Variants in ARHGEF7 observed in about 807,000 individuals in gnomAD.
ARHGEF7 encodes the protein Rho guanine nucleotide exchange factor 7, also known as PAK-interacting exchange factor beta.
Under a neutral mutation model 109.8 loss-of-function variants are expected in ARHGEF7, and 33 were observed. The observed-to-expected ratio is 0.30, with a 90% CI of 0.23 to 0.40. The LOEUF (loss-of-function observed/expected upper bound fraction) is 0.40, where lower values mean the gene tolerates loss of function less well. Ranked by LOEUF, ARHGEF7 falls within the 10% of genes least tolerant of loss-of-function variation. ARHGEF7 has a pLI of 1.00. For missense variants in ARHGEF7, 938 were observed against 1,098.5 expected (o/e 0.85, Z 2.07); for synonymous variants, 458 against 424.6 (o/e 1.08, Z -0.97).
chr13:111,138,946 T>C (rs1367936179), intron 1 of ARHGEF7, among the ~76,000 whole-genome samples: 1 of 152,122 alleles, frequency 6.6e-6, no homozygotes, highest in Non-Finnish European at 1.5e-5. Flanking sequence ...GCTGCTTTCA[T>C]GAATGGCGCT....
chr13:111,236,698 G>A (rs190939423), intron 6 of ARHGEF7, among the ~76,000 whole-genome samples: 45 of 152,140 alleles, frequency 3.0e-4, no homozygotes, highest in African/African-American at 9.6e-4. Context: ...CAGGTATTAC[G>A]GCTCACACCT....
chr13:111,288,208 AG>A, intron 17 of ARHGEF7, 145 bp from the exon 18 acceptor site: 1 of 457,230 alleles, frequency 2.2e-6, no homozygotes, highest in East Asian at 3.0e-5. Flanking sequence ...TGAATTTTGT[AG>A]AAAACAGTTA....
chr13:111,124,656 C>T (rs1038981737), intron 1 of ARHGEF7, among the ~76,000 whole-genome samples: 1 of 152,246 alleles, frequency 6.6e-6, no homozygotes, highest in African/African-American at 2.4e-5. Context: ...TTGCCACTGG[C>T]TACTGGGATG....
intron 8 of ARHGEF7, among the ~76,000 whole-genome samples, chr13:111,261,020 A>G (rs1177979479): frequency 6.6e-6 from 1 of 152,224 alleles, no homozygotes; most frequent in Non-Finnish European, 1.5e-5. Flanking sequence ...AGAAATTAAA[A>G]CATAAAACCA....
At chr13:111,240,752 C>G (rs2087624290) in intron 6 of ARHGEF7, among the ~76,000 whole-genome samples, 1 of 152,062 alleles carries the variant, frequency 6.6e-6, no homozygotes, top group Non-Finnish European at 1.5e-5. Flanking sequence ...AATTGTGCCA[C>G]TTTTTGGTTT....
At position 111,241,191 on chromosome 13, in the gene ARHGEF7, G is replaced by A. The variant is rs116627692; in HGVS notation, c.760-2681G>A. ...GGGCCTTTCTTCAGCACTGTGGGTC[G>A]TAAAAGCTGCCTTTTCTTTGAAAAC... On this transcript the variant is annotated intron_variant, in intron 6 of 21. Transcript: ENST00000646102. 797 of 1,536,006 alleles carry A rather than the reference G, an allele frequency of 5.2e-4. 2 individuals carry two copies. The African/African-American group carries it at 5.7e-3, about 11-fold the overall frequency.
intron 6 of ARHGEF7, 141 bp from the exon 7 acceptor site, chr13:111,243,731 A>G: frequency 1.7e-6 from 1 of 603,712 alleles, no homozygotes; most frequent in Non-Finnish European, 2.9e-6. Context: ...GCAAAGAATG[A>G]TGATGATACT....
At position 111,131,917 on chromosome 13, in the gene ARHGEF7, G is replaced by T. The variant is rs960617311; in HGVS notation, c.165+16226G>T. ...GGCAGTCGCAGAGGGGAGTGGAAAT[G>T]TTGGAATAGAGTTGTGGAGTATGAG... is the stretch of plus-strand genomic sequence containing the variant. On this transcript the variant is annotated intron_variant, in intron 1 of 21. Transcript: ENST00000646102. This position sits in a 1 kb window ranked among gnomAD's most constrained non-coding sequence, Gnocchi z 4.4. Among the ~76,000 whole-genome samples, 1 of 152,212 alleles carries T rather than the reference G, an allele frequency of 6.6e-6. No homozygotes were observed. Among genetic ancestry groups the T allele is most frequent in the Non-Finnish European group, 1.5e-5 (1 of 68,038 alleles).
chr13:111,193,353 G>T (rs941772235), intron 2 of ARHGEF7, among the ~76,000 whole-genome samples: 4 of 152,112 alleles, frequency 2.6e-5, no homozygotes, highest in Non-Finnish European at 5.9e-5. Context: ...AGCAATTTTG[G>T]CCTCAGCATC....
At position 111,131,780 on chromosome 13, in the gene ARHGEF7, G is replaced by A. The variant is rs2074767099; in HGVS notation, c.165+16089G>A. Among the ~76,000 whole-genome samples the A allele has an allele frequency of 6.6e-6, 1 of 152,202 alleles. No homozygotes were observed. The highest frequency in any genetic ancestry group is 1.5e-5 in the Non-Finnish European group (1 of 68,046). ...GCTTGGGCCTGTGCTGGGTGGGAAG[G>A]AGGGTGCTATTCCTAGCTGTTCTAG... is the stretch of plus-strand genomic sequence containing the variant. On this transcript the variant is annotated intron_variant, in intron 1 of 21. Transcript: ENST00000646102. The surrounding 1 kb of genome is among the most constrained non-coding windows in gnomAD (Gnocchi z 4.4).
At position 111,233,408 on chromosome 13, in the gene ARHGEF7, C is replaced by A. The variant is rs989885853; in HGVS notation, c.759+115C>A. On this transcript the variant is annotated intron_variant, in intron 6 of 21. Transcript: ENST00000646102. ...TAGGAAGAAGGAAATAAAGTTCATTCATCTGCCACACAAATGTAACCACCA... is the reference window on the plus strand; with the variant it reads ...TAGGAAGAAGGAAATAAAGTTCATTAATCTGCCACACAAATGTAACCACCA... 3 of 796,066 alleles carry A rather than the reference C, an allele frequency of 3.8e-6. No individual in the cohort carries two copies. In the African/African-American group the frequency reaches 5.2e-5, roughly 14 times the overall value. 49.3% of individuals were successfully genotyped at this position (796,066 alleles called of 1,614,324 possible). A position where few individuals can be genotyped will look rare whatever the true frequency, so the allele number is the denominator to read the frequency against.
intron 1 of ARHGEF7, among the ~76,000 whole-genome samples, chr13:111,132,146 T>A (rs1185425679): frequency 2.0e-5 from 3 of 152,236 alleles, no homozygotes; most frequent in Non-Finnish European, 4.4e-5. Context: ...TAGCAAACTG[T>A]ATCCCTTTCA....
At chr13:111,288,640 G>A (rs2093131372) in intron 18 of ARHGEF7, among the ~76,000 whole-genome samples, 197 bp downstream of exon 18, 1 of 151,378 alleles carries the variant, frequency 6.6e-6, no homozygotes, top group African/African-American at 2.4e-5. Flanking sequence ...AGCTGCGTCT[G>A]AGCTGTGGGC....
intron 2 of ARHGEF7, among the ~76,000 whole-genome samples, chr13:111,170,372 A>T (rs2077488269): frequency 6.6e-6 from 1 of 152,268 alleles, no homozygotes; most frequent in Non-Finnish European, 1.5e-5. Flanking sequence ...TGCTGGGATT[A>T]TAGGCGTGAG....
At chr13:111,155,269 G>A (rs1039238795) in intron 2 of ARHGEF7, among the ~76,000 whole-genome samples, 5 of 152,174 alleles carry the variant, frequency 3.3e-5, no homozygotes. Context: ...TTCCCTTCCC[G>A]AAGAATATTT....
chr13:111,292,533 G>T (rs2093321758), intron 19 of ARHGEF7: 1 of 1,408,288 alleles, frequency 7.1e-7, no homozygotes, highest in South Asian at 1.6e-5. Context: ...GAGGGAGGTG[G>T]TGTGTTCACG....
intron 3 of ARHGEF7, among the ~76,000 whole-genome samples, chr13:111,206,156 T>C (rs2081810291): frequency 6.6e-6 from 1 of 151,942 alleles, no homozygotes; most frequent in African/African-American, 2.4e-5. Flanking sequence ...TGGGGGAAAG[T>C]GCCGTGTCCT....
At chr13:111,181,761 C>T (rs1237808049) in intron 2 of ARHGEF7, among the ~76,000 whole-genome samples, 1 of 152,070 alleles carries the variant, frequency 6.6e-6, no homozygotes, top group Non-Finnish European at 1.5e-5. Context: ...TCAAGAGAGG[C>T]GCAGCTGTCA....
chr13:111,302,419 G>A (rs561265795), intron 21 of ARHGEF7, among the ~76,000 whole-genome samples: 143 of 152,344 alleles, frequency 9.4e-4, no homozygotes, highest in Non-Finnish European at 1.6e-3. Context: ...TTGCTGTGTG[G>A]AACTGGACAT....
Sources: gnomAD v4.1 joint callset for allele counts (sites outside exome capture counted in the v4.1 genomes callset) on GRCh38, gnomAD v4.1.1 for gene constraint, Gnocchi (gnomAD v3.1) non-coding constraint, MANE v1.5 for transcripts, NCBI Gene and HGNC (gene_info 2026-07-23, HGNC 2026-07-21) for gene names.